The following GALNT16 variants were observed in gnomAD, a reference collection of about 807,000 sequenced individuals.
The protein encoded by GALNT16 is polypeptide N-acetylgalactosaminyltransferase 16, also known as UDP-GalNAc:polypeptide N-acetylgalactosaminyltransferase-like protein 1.
GALNT16 carries 40 observed loss-of-function variants against 76.1 expected under a neutral mutation model. The observed-to-expected ratio is 0.53, with a 90% CI of 0.41 to 0.68. The LOEUF is 0.68. GALNT16 is among the 30% of genes least tolerant of loss of function. The pLI is 0.00. For synonymous variants in GALNT16, 276 were observed against 285.2 expected, an observed-to-expected ratio of 0.97 and a Z score of 0.32; for missense variants, 621 against 731.9, an observed-to-expected ratio of 0.85 and a Z score of 1.75.
intron 1 of GALNT16, among the ~76,000 whole-genome samples, chr14:69,270,855 C>T (rs987096411): frequency 2.0e-5 from 3 of 152,196 alleles, no homozygotes; most frequent in African/African-American, 4.8e-5. Flanking sequence ...AACACGTGAT[C>T]GCCTAGTGAT....
chr14:69,370,345 T>A, the GALNT16 span, among the ~76,000 whole-genome samples: 1 of 152,134 alleles, frequency 6.6e-6, no homozygotes. Flanking sequence ...CATCATTCCC[T>A]CTTCTGCTCA....
chr14:69,343,275 T>C (rs1261677547), intron 12 of GALNT16, among the ~76,000 whole-genome samples: 1 of 152,236 alleles, frequency 6.6e-6, no homozygotes, highest in East Asian at 1.9e-4. Context: ...AGGCAAATCT[T>C]TGTCCTTTGA....
chr14:69,378,870 G>A, the GALNT16 span, among the ~76,000 whole-genome samples: 4 of 152,046 alleles, frequency 2.6e-5, no homozygotes, highest in Non-Finnish European at 5.9e-5. Context: ...AGCAGGACAG[G>A]CCAAATGAAA....
At chr14:69,364,216 T>C in the GALNT16 span, among the ~76,000 whole-genome samples, 1 of 152,196 alleles carries the variant, frequency 6.6e-6, no homozygotes, top group Non-Finnish European at 1.5e-5. This position sits in a 1 kb window ranked among gnomAD's most constrained non-coding sequence, Gnocchi z 4.2. Flanking sequence ...TCTTTGTCAG[T>C]TTGTTCTCGG....
chr14:69,363,786 G>A, the GALNT16 span, among the ~76,000 whole-genome samples: 1 of 151,786 alleles, frequency 6.6e-6, no homozygotes, highest in Non-Finnish European at 1.5e-5. Context: ...GGCTCTAAAA[G>A]GGGGCACGCA....
At chr14:69,331,121 C>G (rs1262095258) in intron 6 of GALNT16, among the ~76,000 whole-genome samples, 1 of 152,176 alleles carries the variant, frequency 6.6e-6, no homozygotes, top group Non-Finnish European at 1.5e-5. Flanking sequence ...ATCATCTAGG[C>G]TGTCATTGTA....
chr14:69,302,097 T>G lies in GALNT16; in HGVS notation c.178-18614T>G, dbSNP rs1157901470. ...CTGCCTTCTGAGAATAGGATACAGATTTCATTAGATCCCCAGAGAGTTCAT... is the reference window on the plus strand; with the variant it reads ...CTGCCTTCTGAGAATAGGATACAGAGTTCATTAGATCCCCAGAGAGTTCAT... On this transcript the variant is annotated intron_variant, in intron 1 of 14. Coordinates refer to ENST00000448469, the MANE Select transcript of GALNT16 (RefSeq NM_001168368.2). Among the ~76,000 whole-genome samples, 3 of 152,124 alleles carry G rather than the reference T, an allele frequency of 2.0e-5. No homozygotes were observed. The East Asian group carries it at 5.8e-4, about 29-fold the overall frequency.
At chr14:69,358,652 G>C (rs1292508795), downstream of GALNT16, 2 of 152,588 alleles carry the variant, frequency 1.3e-5, no homozygotes, top group African/African-American at 4.8e-5. Flanking sequence ...AGTGCTTAGA[G>C]CTCCGGGGGG....
chr14:69,309,164 AAGGATATAACTC>A (rs1190551271), intron 1 of GALNT16, among the ~76,000 whole-genome samples: 1 of 152,074 alleles, frequency 6.6e-6, no homozygotes, highest in Non-Finnish European at 1.5e-5. Flanking sequence ...TTTATTATAA[AAGGATATAACTC>A]AGGAAAAGCC....
chr14:69,381,153 C>T, the GALNT16 span, among the ~76,000 whole-genome samples: 4 of 152,072 alleles, frequency 2.6e-5, no homozygotes, highest in Admixed American at 6.5e-5. Context: ...TGGTGGTGCA[C>T]GCCTGTAGTC....
the GALNT16 span, among the ~76,000 whole-genome samples, chr14:69,377,970 G>C: frequency 2.4e-3 from 364 of 152,206 alleles, 1 homozygote; most frequent in African/African-American, 8.4e-3. Context: ...ATGTAAAGTT[G>C]ACAATCATAC....
At chr14:69,329,133 A>AG (rs774647264) in intron 6 of GALNT16, among the ~76,000 whole-genome samples, 40 of 152,198 alleles carry the variant, frequency 2.6e-4, no homozygotes, top group Non-Finnish European at 5.3e-4. Flanking sequence ...CGGGGAGGGC[A>AG]GATCACCTGA....
chr14:69,328,549 C>A lies in GALNT16; in HGVS notation c.668C>A (p.Pro223His). 1 of 1,613,554 alleles carries A rather than the reference C, an allele frequency of 6.2e-7. No individual in the cohort carries two copies. Among genetic ancestry groups the A allele is most frequent in the South Asian group, 1.1e-5 (1 of 91,076 alleles). ...GAAGTGAACACCGAGTGGCTGCCGC[C>A]CATGCTGCAGCGGGTGAAGGAGGTG... The part of the protein sequence containing the change: ...HCEVNTEWLP[P>H]MLQRVKEDHT... The change falls in exon 6 of 15, where the codon CCC (proline) becomes CAC (histidine). Residue 223 changes from proline (P) to histidine (H), a missense_variant. Coordinates refer to ENST00000448469, the MANE Select transcript of GALNT16 (RefSeq NM_001168368.2).
chr14:69,361,476 G>A (rs1465442826), downstream of GALNT16, among the ~76,000 whole-genome samples: 1 of 152,126 alleles, frequency 6.6e-6, no homozygotes, highest in Admixed American at 6.5e-5. Flanking sequence ...GCTCCTTATT[G>A]CCTTTCACCC....
At chr14:69,308,549 TCTA>T (rs1411482424) in intron 1 of GALNT16, among the ~76,000 whole-genome samples, 3 of 152,244 alleles carry the variant, frequency 2.0e-5, no homozygotes, top group Admixed American at 6.5e-5. Context: ...TAATCAGTTG[TCTA>T]CTGATAGAGA....
chr14:69,385,389 T>A, the GALNT16 span, among the ~76,000 whole-genome samples: 1 of 152,120 alleles, frequency 6.6e-6, no homozygotes, highest in South Asian at 2.1e-4. Context: ...TCAAATGATG[T>A]CCTTGCTCCT....
At chr14:69,292,509 C>T (rs938158971) in intron 1 of GALNT16, among the ~76,000 whole-genome samples, 1 of 152,248 alleles carries the variant, frequency 6.6e-6, no homozygotes, top group Non-Finnish European at 1.5e-5. Context: ...CTGAGCGCAT[C>T]TCCGTCCTAA....
chr14:69,320,839 C>T lies in GALNT16; in HGVS notation c.306C>T (p.Asp102=), dbSNP rs1022035156. 1 of 1,613,608 alleles carries T rather than the reference C, an allele frequency of 6.2e-7. No homozygotes were observed. Among genetic ancestry groups the T allele is most frequent in the East Asian group, 2.2e-5 (1 of 44,884 alleles). The change falls in exon 2 of 15, where the codon GAC becomes GAT. Residue 102 remains aspartate (D), a synonymous_variant. Transcript: ENST00000448469. The part of the protein sequence containing the change: ...NQLESDKLSP[D]RPIRDTRHYS... ...TGGAGAGTGACAAGCTGAGCCCAGA[C>T]CGGCCCATCCGGGACACCCGCCATT... is the stretch of plus-strand genomic sequence containing the variant.
At chr14:69,304,233 ATTC>A (rs2044899053) in intron 1 of GALNT16, among the ~76,000 whole-genome samples, 1 of 152,194 alleles carries the variant, frequency 6.6e-6, no homozygotes, top group Non-Finnish European at 1.5e-5. Context: ...AATATCCAAT[ATTC>A]TTTTGAAATA....
Sources: allele counts gnomAD v4.1 joint callset (sites outside exome capture counted in the v4.1 genomes callset), GRCh38; gene constraint gnomAD v4.1.1; non-coding constraint Gnocchi (gnomAD v3.1); transcripts MANE v1.5; gene names NCBI Gene and HGNC (gene_info 2026-07-23, HGNC 2026-07-21).